Variants in RFTN1 observed in about 807,000 individuals in gnomAD.
The protein encoded by RFTN1 is raftlin.
A neutral mutation model predicts 46.5 loss-of-function variants in RFTN1; 26 were observed. The ratio of observed to expected loss-of-function variants is 0.56; its 90% CI spans 0.41 to 0.78. RFTN1 has a LOEUF of 0.78. RFTN1 is among the 30% of genes least tolerant of loss of function. The pLI, the probability that RFTN1 is intolerant of heterozygous loss-of-function variation, is 0.00. For synonymous variants in RFTN1, 261 were observed against 284.2 expected (o/e 0.92, Z 0.82); for missense variants, 693 against 718.7 (o/e 0.96, Z 0.41).
rs2074007007 is a variant in RFTN1 at position 16,381,927 on chromosome 3, A to T, written c.442-3825T>A. Among the ~76,000 whole-genome samples, 1 of 152,190 alleles carries T rather than the reference A, an allele frequency of 6.6e-6. No homozygotes were observed. The highest frequency in any genetic ancestry group is 1.5e-5 in the Non-Finnish European group (1 of 68,034). ...ACAGTCATAACCTCAAGAGCAGAGGAGAGTGGGAGTCTGAGGGAAAACTGC... is the reference window on the plus strand; with the variant it reads ...ACAGTCATAACCTCAAGAGCAGAGGTGAGTGGGAGTCTGAGGGAAAACTGC... On this transcript the variant is annotated intron_variant, in intron 4 of 9. Transcript: ENST00000334133. This position sits in a 1 kb window ranked among gnomAD's most constrained non-coding sequence, Gnocchi z 4.2.
At chr3:16,495,017 G>A (rs768027826) in intron 1 of RFTN1, among the ~76,000 whole-genome samples, 14 of 152,264 alleles carry the variant, frequency 9.2e-5, no homozygotes, top group Middle Eastern at 3.4e-3. Context: ...AGCAACGAGG[G>A]CATGGGGCGG....
chr3:16,464,442 A>G (rs982401285), intron 2 of RFTN1, among the ~76,000 whole-genome samples: 1 of 152,168 alleles, frequency 6.6e-6, no homozygotes, highest in East Asian at 1.9e-4. Flanking sequence ...TGTATTTTAT[A>G]TAGTTTTTGT....
At position 16,351,442 on chromosome 3, in the gene RFTN1, T is replaced by C. The variant is rs1646521000; in HGVS notation, c.1146+6490A>G. ...GAATAGTATGAAATAAAATGGGGGT[T>C]AACTCAACAAAAGATTGAATACGCA... On this transcript the variant is annotated intron_variant, in intron 7 of 9. Transcript: ENST00000334133. This position sits in a 1 kb window ranked among gnomAD's most constrained non-coding sequence, Gnocchi z 5.4. Among the ~76,000 whole-genome samples, 1 of 152,166 alleles carries C rather than the reference T, an allele frequency of 6.6e-6. No individual in the cohort carries two copies. The highest frequency in any genetic ancestry group is 6.5e-5 in the Admixed American group (1 of 15,278).
chr3:16,466,392 A>G lies in RFTN1; in HGVS notation c.145+27333T>C, dbSNP rs1218410363. On this transcript the variant is annotated intron_variant, in intron 2 of 9. Transcript: ENST00000334133. This position sits in a 1 kb window ranked among gnomAD's most constrained non-coding sequence, Gnocchi z 5.6. ...GTTATTTACCTATGATAGTAAAAATATTGCAAAAATTACCAAATTACGAAG... is the reference window on the plus strand; with the variant it reads ...GTTATTTACCTATGATAGTAAAAATGTTGCAAAAATTACCAAATTACGAAG... 6.6e-6 allele frequency among the ~76,000 whole-genome samples: 1 copy of G among 152,216 alleles called. No individual in the cohort carries two copies. Among genetic ancestry groups the G allele is most frequent in the Non-Finnish European group, 1.5e-5 (1 of 68,030 alleles).
At position 16,468,970 on chromosome 3, in the gene RFTN1, G is replaced by A. The variant is rs767858093; in HGVS notation, c.145+24755C>T. Among the ~76,000 whole-genome samples the A allele has an allele frequency of 1.1e-4, 17 of 152,250 alleles. No individual in the cohort carries two copies. Among genetic ancestry groups the A allele is most frequent in the Non-Finnish European group, 4.4e-5 (3 of 68,044 alleles). ...ATTCCCCCCATCACTCAGCCTGCCT[G>A]AATCGCATCTGACACTGGCCACTAA... On this transcript the variant is annotated intron_variant, in intron 2 of 9. Coordinates refer to ENST00000334133, the MANE Select transcript of RFTN1 (RefSeq NM_015150.2). This position sits in a 1 kb window ranked among gnomAD's most constrained non-coding sequence, Gnocchi z 4.4.
chr3:16,504,105 T>C lies in RFTN1; in HGVS notation c.-9+9337A>G, dbSNP rs931079497. Reference sequence around the variant, plus strand: ...ACAGTGCCCTTAGTTTCTCTGTACATTTTTTAATGGCATGCCCTAGACTAA... The same window carrying C: ...ACAGTGCCCTTAGTTTCTCTGTACACTTTTTAATGGCATGCCCTAGACTAA... On this transcript the variant is annotated intron_variant, in intron 1 of 9. Transcript: ENST00000334133. This position sits in a 1 kb window ranked among gnomAD's most constrained non-coding sequence, Gnocchi z 4.4. Among the ~76,000 whole-genome samples, 52 of 149,900 alleles carry C rather than the reference T, an allele frequency of 3.5e-4. No homozygotes were observed. The highest frequency in any genetic ancestry group is 6.5e-4 in the Non-Finnish European group (44 of 67,480).
chr3:16,331,918 C>T (rs1460139737), intron 7 of RFTN1, among the ~76,000 whole-genome samples: 3 of 152,158 alleles, frequency 2.0e-5, no homozygotes, highest in African/African-American at 2.4e-5. Flanking sequence ...TTGATTTATC[C>T]GTCAAAATTT....
At chr3:16,472,970 C>G (rs1043113601) in intron 2 of RFTN1, among the ~76,000 whole-genome samples, 3 of 152,224 alleles carry the variant, frequency 2.0e-5, no homozygotes, top group Non-Finnish European at 2.9e-5. Flanking sequence ...GTTTCCTCAT[C>G]TGCACAGAGT....
chr3:16,431,257 C>T (rs11720129), intron 3 of RFTN1, among the ~76,000 whole-genome samples: 14,690 of 152,258 alleles, frequency 0.096, 745 homozygotes, highest in Middle Eastern at 0.15. Flanking sequence ...AGTAAAGTGG[C>T]AAGCCCCAAT....
At chr3:16,435,620 T>C (rs895018264) in intron 2 of RFTN1, among the ~76,000 whole-genome samples, 1 of 152,130 alleles carries the variant, frequency 6.6e-6, no homozygotes, top group Non-Finnish European at 1.5e-5. Flanking sequence ...AAGAGACCAT[T>C]TCATAGCAGT....
rs2073954838 is a variant in RFTN1 at position 16,380,612 on chromosome 3, T to G, written c.442-2510A>C. Among the ~76,000 whole-genome samples the G allele has an allele frequency of 6.6e-6, 1 of 152,202 alleles. No homozygotes were observed. ...CCCAGACCAGAGCATCAGCATCCCC[T>G]GGGAACCTGTTAGAAATGCAAATTC... On this transcript the variant is annotated intron_variant, in intron 4 of 9. Transcript: ENST00000334133. This position sits in a 1 kb window ranked among gnomAD's most constrained non-coding sequence, Gnocchi z 4.8.
At chr3:16,486,507 C>G (rs2076448879) in intron 2 of RFTN1, among the ~76,000 whole-genome samples, 1 of 152,238 alleles carries the variant, frequency 6.6e-6, no homozygotes, top group Non-Finnish European at 1.5e-5. Flanking sequence ...TTTGATCCCT[C>G]CCACAAGTTG....
chr3:16,471,104 A>C (rs1205818200), intron 2 of RFTN1, among the ~76,000 whole-genome samples: 1 of 152,222 alleles, frequency 6.6e-6, no homozygotes, highest in Non-Finnish European at 1.5e-5. Context: ...AAAGCAAACC[A>C]TTTTAATATG....
At position 16,383,804 on chromosome 3, in the gene RFTN1, A is replaced by G. The variant is rs986740331; in HGVS notation, c.442-5702T>C. Among the ~76,000 whole-genome samples the G allele has an allele frequency of 2.0e-5, 3 of 152,188 alleles. No homozygotes were observed. The highest frequency in any genetic ancestry group is 4.8e-5 in the African/African-American group (2 of 41,436). ...AGAAAAGCCTCCTGCTCACAGGTCA[A>G]TAGGGATTGGAGTGTCCACAGCCTG... is the stretch of plus-strand genomic sequence containing the variant. On this transcript the variant is annotated intron_variant, in intron 4 of 9. Coordinates refer to ENST00000334133, the MANE Select transcript of RFTN1 (RefSeq NM_015150.2). The surrounding 1 kb of genome is among the most constrained non-coding windows in gnomAD (Gnocchi z 4.0).
chr3:16,354,611 T>C (rs1239795635), intron 7 of RFTN1, among the ~76,000 whole-genome samples: 6 of 152,244 alleles, frequency 3.9e-5, no homozygotes, highest in Non-Finnish European at 7.3e-5. Context: ...GAATAGCATA[T>C]GGCATCCTTC....
At position 16,335,990 on chromosome 3, in the gene RFTN1, G is replaced by C. The variant is rs1034539867; in HGVS notation, c.1147-9114C>G. 2.2e-4 allele frequency among the ~76,000 whole-genome samples: 33 copies of C among 152,180 alleles called. No individual in the cohort carries two copies. The highest frequency in any genetic ancestry group is 7.7e-4 in the African/African-American group (32 of 41,460). ...CTGGCGCCTTCTCAGGGCTGCCTGG[G>C]CCCTGCTCAGCACACGCTGGCTATA... On this transcript the variant is annotated intron_variant, in intron 7 of 9. Transcript: ENST00000334133. The surrounding 1 kb of genome is among the most constrained non-coding windows in gnomAD (Gnocchi z 4.7).
At chr3:16,354,947 TATA>T (rs1187235236) in intron 7 of RFTN1, among the ~76,000 whole-genome samples, 1 of 152,234 alleles carries the variant, frequency 6.6e-6, no homozygotes, top group Non-Finnish European at 1.5e-5. Flanking sequence ...TTTGCCACTT[TATA>T]ATAAGGATGG....
intron 2 of RFTN1, among the ~76,000 whole-genome samples, chr3:16,436,795 C>T (rs1198928459): frequency 1.3e-5 from 2 of 152,162 alleles, no homozygotes; most frequent in Admixed American, 6.5e-5. Context: ...TTGTATAAAA[C>T]ACTACTTCAA....
chr3:16,491,353 A>C (rs369094116), intron 2 of RFTN1, among the ~76,000 whole-genome samples: 3 of 152,194 alleles, frequency 2.0e-5, no homozygotes, highest in African/African-American at 7.2e-5. Flanking sequence ...GAATGCGGTC[A>C]AGGAGAGCTA....
Sources: gnomAD v4.1 joint callset for allele counts (sites outside exome capture counted in the v4.1 genomes callset) on GRCh38, gnomAD v4.1.1 for gene constraint, Gnocchi (gnomAD v3.1) non-coding constraint, MANE v1.5 for transcripts, NCBI Gene and HGNC (gene_info 2026-07-23, HGNC 2026-07-21) for gene names.